ZMIZ1: variants seen among roughly 807,000 people sequenced by gnomAD.
The protein encoded by ZMIZ1 is zinc finger MIZ-type containing 1.
A neutral mutation model predicts 113.9 loss-of-function variants in ZMIZ1; 17 were observed. The observed-to-expected ratio is 0.15, with a 90% CI of 0.10 to 0.22. The LOEUF is 0.22. Among genes scored for constraint, ZMIZ1 ranks in the 10% least tolerant of loss-of-function variants. The pLI is 1.00. For missense variants in ZMIZ1, 1,059 were observed against 1,477.8 expected (o/e 0.72, Z 4.65); for synonymous variants, 607 against 603.1 (o/e 1.01, Z -0.09).
intron 7 of ZMIZ1, among the ~76,000 whole-genome samples, chr10:79,258,720 T>G (rs999193100): frequency 6.6e-6 from 1 of 152,202 alleles, no homozygotes; most frequent in African/African-American, 2.4e-5. Context: ...CCAGCCCAGA[T>G]AGCTCCCCTT....
intron 2 of ZMIZ1, among the ~76,000 whole-genome samples, chr10:79,121,541 A>G (rs1048202581): frequency 1.3e-5 from 2 of 152,230 alleles, no homozygotes; most frequent in Non-Finnish European, 2.9e-5. Context: ...TTTGTAAAGT[A>G]TCCTTAGGAT....
At chr10:79,177,515 G>A (rs144839257) in intron 4 of ZMIZ1, among the ~76,000 whole-genome samples, 63 of 152,328 alleles carry the variant, frequency 4.1e-4, no homozygotes, top group Non-Finnish European at 7.3e-4. Flanking sequence ...GGCCGGGGGA[G>A]ATCAGCAGAG....
At chr10:79,271,122 G>A (rs908650066) in intron 7 of ZMIZ1, among the ~76,000 whole-genome samples, 2 of 152,190 alleles carry the variant, frequency 1.3e-5, no homozygotes, top group African/African-American at 2.4e-5. Flanking sequence ...TGCAACATGT[G>A]TGCCAGATGA....
intron 7 of ZMIZ1, among the ~76,000 whole-genome samples, chr10:79,228,430 C>T (rs1849273269): frequency 6.6e-6 from 1 of 152,224 alleles, no homozygotes. Flanking sequence ...TGCCCCAACT[C>T]CAAATATGGT....
chr10:79,103,378 G>A (rs1843439138), intron 1 of ZMIZ1, among the ~76,000 whole-genome samples: 1 of 152,194 alleles, frequency 6.6e-6, no homozygotes, highest in South Asian at 2.1e-4. Context: ...CCAAGGAGGG[G>A]CTGTTGCCCC....
intron 3 of ZMIZ1, among the ~76,000 whole-genome samples, chr10:79,147,422 C>A (rs1219821618): frequency 6.6e-6 from 1 of 152,096 alleles, no homozygotes; most frequent in Non-Finnish European, 1.5e-5. Flanking sequence ...TGTGTATGGC[C>A]CCTGGAGTGT....
intron 7 of ZMIZ1, among the ~76,000 whole-genome samples, chr10:79,260,142 T>C (rs1851178773): frequency 6.6e-6 from 1 of 152,244 alleles, no homozygotes; most frequent in African/African-American, 2.4e-5. Flanking sequence ...ATGCATACTC[T>C]GCCAGGCTTT....
At chr10:79,124,058 G>A (rs979265754) in intron 2 of ZMIZ1, among the ~76,000 whole-genome samples, 14 of 152,226 alleles carry the variant, frequency 9.2e-5, no homozygotes, top group African/African-American at 3.1e-4. Flanking sequence ...TCTGGGAATC[G>A]TTTGCAGCTC....
intron 2 of ZMIZ1, among the ~76,000 whole-genome samples, chr10:79,135,167 A>G (rs183372600): frequency 1.3e-5 from 2 of 152,356 alleles, no homozygotes; most frequent in East Asian, 1.9e-4. Context: ...GACACGGCTT[A>G]CAGTACCTAA....
intron 24 of ZMIZ1, 106 bp downstream of exon 24, chr10:79,311,290 TGGGTGGGCGGTGGGA>T: frequency 9.7e-6 from 1 of 102,696 alleles, no homozygotes; most frequent in Non-Finnish European, 1.8e-5. Context: ...AGGGAGGAGG[TGGGTGGGCGGTGGGA>T]GGGCTTCACC....
intron 8 of ZMIZ1, among the ~76,000 whole-genome samples, chr10:79,277,905 T>C (rs186643074): frequency 4.7e-4 from 71 of 152,340 alleles, no homozygotes; most frequent in African/African-American, 1.6e-3. Flanking sequence ...CTTGCTGAGC[T>C]GGGGATGCTC....
At chr10:79,170,978 C>T (rs1256267127) in intron 4 of ZMIZ1, among the ~76,000 whole-genome samples, 2 of 152,184 alleles carry the variant, frequency 1.3e-5, no homozygotes, top group African/African-American at 2.4e-5. Context: ...GAGGGGCTGC[C>T]TGCTCCTGAA....
intron 12 of ZMIZ1, chr10:79,293,975 G>C (rs1853698239): frequency 6.7e-6 from 3 of 445,966 alleles, no homozygotes; most frequent in African/African-American, 5.9e-5. Context: ...CTCTTGTCTT[G>C]GCTCAGCCAC....
At chr10:79,125,634 T>C (rs1366698371) in intron 2 of ZMIZ1, among the ~76,000 whole-genome samples, 1 of 152,240 alleles carries the variant, frequency 6.6e-6, no homozygotes, top group Non-Finnish European at 1.5e-5. Context: ...GCCTTGGCCG[T>C]GCCTGTGTTC....
chr10:79,231,542 C>A lies in ZMIZ1; in HGVS notation c.280+15268C>A, dbSNP rs556219385. Among the ~76,000 whole-genome samples the A allele has an allele frequency of 2.6e-5, 4 of 151,914 alleles. No individual in the cohort carries two copies. In the East Asian group the frequency reaches 5.8e-4, roughly 22 times the overall value. On this transcript the variant is annotated intron_variant, in intron 7 of 24. Transcript: ENST00000334512. Reference sequence around the variant, plus strand: ...TATAGGTGTGAGCCACCATGCCCAGCCTAGGAAGCCTGGTGGGGGGTTTTG... The same window carrying A: ...TATAGGTGTGAGCCACCATGCCCAGACTAGGAAGCCTGGTGGGGGGTTTTG...
chr10:79,093,135 A>ACACACACAC (rs1843037700), intron 1 of ZMIZ1, among the ~76,000 whole-genome samples: 1 of 107,956 alleles, frequency 9.3e-6, no homozygotes, highest in African/African-American at 3.5e-5. Flanking sequence ...CCCCACCCCC[A>ACACACACAC]ACACACACAC....
intron 2 of ZMIZ1, among the ~76,000 whole-genome samples, chr10:79,131,460 C>G (rs758979814): frequency 1.8e-4 from 27 of 152,198 alleles, no homozygotes; most frequent in Non-Finnish European, 2.5e-4. Context: ...CTTCCCCACC[C>G]CCACAGTTCT....
At chr10:79,252,323 C>T (rs114059247) in intron 7 of ZMIZ1, among the ~76,000 whole-genome samples, 1,648 of 152,260 alleles carry the variant, frequency 0.011, 29 homozygotes, top group African/African-American at 0.037. Context: ...CATTTAGTGA[C>T]CTGGATAAGA....
At position 79,297,689 on chromosome 10, in the gene ZMIZ1, G is replaced by A. The variant is rs148810329; in HGVS notation, c.1490G>A (p.Arg497Lys). 1.3e-5 allele frequency: 21 copies of A among 1,613,552 alleles called. No individual in the cohort carries two copies. The highest frequency in any genetic ancestry group is 1.6e-4 in the Middle Eastern group (1 of 6,082). The change falls in exon 14 of 25, where the codon AGG becomes AAG. Residue 497 changes from arginine (R) to lysine (K), a missense_variant and splice_region_variant. By Grantham distance (26) the Arg-to-Lys change is conservative. Transcript: ENST00000334512. The part of the protein sequence containing the change: ...YSNYSQGNVN[R>K]PPRPVPVANY... The stretch of plus-strand genomic sequence containing the variant: ...AACTACAGCCAAGGGAATGTCAACA[G>A]GGTATGTTCCAATTTAATTTACAAA...
Sources: gnomAD v4.1 joint callset for allele counts (sites outside exome capture counted in the v4.1 genomes callset) on GRCh38, gnomAD v4.1.1 for gene constraint, MANE v1.5 for transcripts, NCBI Gene and HGNC (gene_info 2026-07-23, HGNC 2026-07-21) for gene names.